Variants in VAV2 observed in about 807,000 individuals in gnomAD.
The protein encoded by VAV2 is guanine nucleotide exchange factor VAV2.
A neutral mutation model predicts 132.5 loss-of-function variants in VAV2; 67 were observed. The ratio of observed to expected loss-of-function variants is 0.51; its 90% CI spans 0.42 to 0.62. The LOEUF (loss-of-function observed/expected upper bound fraction) is 0.62. Ranked by LOEUF, VAV2 falls within the 20% of genes least tolerant of loss-of-function variation. The probability of loss-of-function intolerance (pLI) is 0.00; values close to 1 mark genes in which losing one functional copy is unlikely to be tolerated. For missense variants in VAV2, 938 were observed against 1,153.6 expected (o/e 0.81, Z 2.71); for synonymous variants, 492 against 443.5 (o/e 1.11, Z -1.37).
At chr9:133,989,069 T>C (rs896827962) in intron 1 of VAV2, among the ~76,000 whole-genome samples, 5 of 151,758 alleles carry the variant, frequency 3.3e-5, no homozygotes, top group African/African-American at 1.2e-4. Flanking sequence ...CTGGGTGCAG[T>C]GGCTCACGCC....
intron 7 of VAV2, among the ~76,000 whole-genome samples, chr9:133,807,732 C>T (rs1430702636): frequency 6.6e-6 from 1 of 152,248 alleles, no homozygotes; most frequent in Non-Finnish European, 1.5e-5. Flanking sequence ...AAACACTGAG[C>T]TTGTGCTCCT....
intron 2 of VAV2, among the ~76,000 whole-genome samples, 157 bp downstream of exon 2, chr9:133,938,946 G>A (rs550540770): frequency 4.2e-4 from 64 of 152,334 alleles, no homozygotes; most frequent in African/African-American, 1.5e-3. Flanking sequence ...GTTTGTAACA[G>A]GACCTGCCTG....
chr9:133,869,269 G>A (rs1482823354), intron 2 of VAV2, among the ~76,000 whole-genome samples: 1 of 152,010 alleles, frequency 6.6e-6, no homozygotes, highest in African/African-American at 2.4e-5. Flanking sequence ...ATTACAGGCA[G>A]GAGCCACCAC....
intron 2 of VAV2, among the ~76,000 whole-genome samples, chr9:133,890,746 C>T (rs992876311): frequency 2.6e-5 from 4 of 152,290 alleles, no homozygotes; most frequent in African/African-American, 9.6e-5. Flanking sequence ...CTGCATGGAA[C>T]ACGGACGAGA....
chr9:133,964,069 A>ATATATATATAC (rs1491248432), intron 1 of VAV2, among the ~76,000 whole-genome samples: 1 of 126,234 alleles, frequency 7.9e-6, no homozygotes, highest in Non-Finnish European at 1.7e-5. Context: ...ACATATATAT[A>ATATATATATAC]AATGAATAGG....
intron 1 of VAV2, 101 bp from the exon 2 acceptor site, chr9:133,939,320 G>A (rs553187617): frequency 1.7e-5 from 17 of 1,028,782 alleles, no homozygotes; most frequent in African/African-American, 4.7e-5. Flanking sequence ...GCTTCCGTGC[G>A]CCAGCACATC....
At chr9:133,829,752 G>C (rs1296951003) in intron 4 of VAV2, among the ~76,000 whole-genome samples, 1 of 152,082 alleles carries the variant, frequency 6.6e-6, no homozygotes. Context: ...ATCCCAAAGT[G>C]AAGTGCTGGG....
intron 1 of VAV2, among the ~76,000 whole-genome samples, chr9:133,981,362 C>T (rs1319416603): frequency 1.3e-5 from 2 of 152,232 alleles, no homozygotes; most frequent in East Asian, 1.9e-4. Context: ...AGGGCTTCAC[C>T]TTCCACTTGG....
In VAV2 at chr9:133,771,944, C is replaced by T. The variant is rs749234864; in HGVS notation, c.2223+15G>A. 3.1e-6 allele frequency: 5 copies of T among 1,589,790 alleles called. No homozygotes were observed. In the Admixed American group the frequency reaches 5.1e-5, roughly 16 times the overall value. On this transcript the variant is annotated intron_variant, in intron 26 of 29. Coordinates refer to ENST00000371850, the MANE Select transcript of VAV2 (RefSeq NM_001134398.2). Reference sequence around the variant, plus strand: ...TGGCTGGGGTGGGAGCCGGCCGGAGCCAGAAGTCACCTACCAGGAGGCTGT... The same window carrying T: ...TGGCTGGGGTGGGAGCCGGCCGGAGTCAGAAGTCACCTACCAGGAGGCTGT...
At chr9:133,865,090 C>T (rs151227928) in intron 2 of VAV2, among the ~76,000 whole-genome samples, 3 of 152,206 alleles carry the variant, frequency 2.0e-5, no homozygotes, top group Non-Finnish European at 4.4e-5. Flanking sequence ...GAAAACTCCA[C>T]GTGATGGGTC....
At chr9:133,896,084 C>T (rs1404699000) in intron 2 of VAV2, among the ~76,000 whole-genome samples, 3 of 83,584 alleles carry the variant, frequency 3.6e-5, no homozygotes, top group Admixed American at 1.1e-4. Context: ...TGCGGCCTTC[C>T]GCAGTGTTTG....
Position 133,885,744 on chromosome 9 carries a change from G to A in VAV2, c.322-24312C>T, listed in dbSNP as rs754750831. On this transcript the variant is annotated intron_variant, in intron 2 of 29. Coordinates refer to ENST00000371850, the MANE Select transcript of VAV2 (RefSeq NM_001134398.2). The surrounding 1 kb of genome is among the most constrained non-coding windows in gnomAD (Gnocchi z 5.0). ...TGCCCCAAGATGGAGGTGGGCACAC[G>A]CTCCATGCCATCTCCCTGACCTCGC... Among the ~76,000 whole-genome samples, 19 of 152,096 alleles carry A rather than the reference G, an allele frequency of 1.2e-4. No individual in the cohort carries two copies. The highest frequency in any genetic ancestry group is 2.5e-4 in the Non-Finnish European group (17 of 68,036).
chr9:133,937,493 A>AGTGC (rs1564480713), intron 2 of VAV2, among the ~76,000 whole-genome samples: 1 of 149,038 alleles, frequency 6.7e-6, no homozygotes, highest in East Asian at 2.0e-4. Flanking sequence ...TGGGTGCAAG[A>AGTGC]GTGTGTGCGT....
At chr9:133,940,941 A>G (rs1317681502) in intron 1 of VAV2, among the ~76,000 whole-genome samples, 3 of 148,566 alleles carry the variant, frequency 2.0e-5, no homozygotes, top group African/African-American at 7.4e-5. Context: ...AAAAAAAAAA[A>G]CTGGCCCAGG....
intron 4 of VAV2, among the ~76,000 whole-genome samples, chr9:133,829,458 G>A (rs1157356453): frequency 6.6e-6 from 1 of 152,250 alleles, no homozygotes; most frequent in Non-Finnish European, 1.5e-5. Flanking sequence ...GCCACGTGTG[G>A]CTGTCCGGCT....
rs1194149571 is a variant in VAV2, at chr9:133,762,762, A to G, written c.*1300T>C. On this transcript the variant is annotated 3_prime_UTR_variant, in exon 30 of 30. Coordinates refer to ENST00000371850, the MANE Select transcript of VAV2 (RefSeq NM_001134398.2). This position sits in a 1 kb window ranked among gnomAD's most constrained non-coding sequence, Gnocchi z 5.0. The stretch of plus-strand genomic sequence containing the variant: ...CCTCAGAAGGAGCCCCTAGGTCCCC[A>G]GCGCCACCCACAGCAGGGACCAGCT... 1.3e-5 allele frequency: 2 copies of G among 152,694 alleles called. No individual in the cohort carries two copies. The highest frequency in any genetic ancestry group is 2.9e-5 in the Non-Finnish European group (2 of 68,476). 9.5% of individuals were successfully genotyped at this position (152,694 alleles called of 1,614,324 possible). A position where few individuals can be genotyped will look rare whatever the true frequency, so the allele number is the denominator to read the frequency against.
intron 10 of VAV2, 75 bp from the exon 11 acceptor site, chr9:133,796,599 CAG>C: frequency 7.4e-7 from 1 of 1,360,472 alleles, no homozygotes; most frequent in African/African-American, 1.4e-5. Flanking sequence ...CCCCCGCCCA[CAG>C]AGAGGGGAGA....
Position 133,964,031 on chromosome 9 carries a change from A to G in VAV2, c.205-24812T>C, listed in dbSNP as rs112029786. Among the ~76,000 whole-genome samples the G allele has an allele frequency of 9.2e-3, 870 of 94,984 alleles. 37 individuals are homozygous for G. The highest frequency in any genetic ancestry group is 0.027 in the African/African-American group (837 of 31,500). The allele number at this position is 94,984 out of a possible 152,430, so 62.3% of individuals were successfully genotyped here. A position where few individuals can be genotyped will look rare whatever the true frequency, so the allele number is the denominator to read the frequency against. Reference sequence around the variant, plus strand: ...AAAAAAATTATTCATTCATATATATATATATATATATATATATACATATAT... The same window carrying G: ...AAAAAAATTATTCATTCATATATATGTATATATATATATATATACATATAT... On this transcript the variant is annotated intron_variant, in intron 1 of 29. Coordinates refer to ENST00000371850, the MANE Select transcript of VAV2 (RefSeq NM_001134398.2).
intron 2 of VAV2, among the ~76,000 whole-genome samples, chr9:133,902,783 G>A (rs1839493413): frequency 1.3e-5 from 2 of 152,270 alleles, no homozygotes; most frequent in South Asian, 2.1e-4. Context: ...TATAAAAAGA[G>A]GAAGTTTGCC....
Sources: gnomAD v4.1 joint callset for allele counts (sites outside exome capture counted in the v4.1 genomes callset) on GRCh38, gnomAD v4.1.1 for gene constraint, Gnocchi (gnomAD v3.1) non-coding constraint, MANE v1.5 for transcripts, NCBI Gene and HGNC (gene_info 2026-07-23, HGNC 2026-07-21) for gene names.